The following LIMCH1 variants were observed in gnomAD, a reference collection of about 807,000 sequenced individuals.
LIMCH1 encodes the protein LIM and calponin homology domains-containing protein 1.
A neutral mutation model predicts 176.5 loss-of-function variants in LIMCH1; 113 were observed. That is an observed-to-expected ratio of 0.64 (90% CI 0.55 to 0.75). LIMCH1 has a LOEUF of 0.75. Among genes scored for constraint, LIMCH1 ranks in the 30% least tolerant of loss-of-function variants. LIMCH1 has a pLI of 0.00. For synonymous variants in LIMCH1, 619 were observed against 645.9 expected (o/e 0.96, Z 0.63); for missense variants, 1,674 against 1,814.9 (o/e 0.92, Z 1.41).
chr4:41,381,133 A>AGAACTTAACC (rs1163814850), intron 1 of LIMCH1, among the ~76,000 whole-genome samples: 3 of 152,236 alleles, frequency 2.0e-5, no homozygotes, highest in Non-Finnish European at 4.4e-5. Flanking sequence ...TGCCCAAGGA[A>AGAACTTAACC]GAACTTAACC....
At chr4:41,627,917 A>T (rs1202003190) in intron 8 of LIMCH1, among the ~76,000 whole-genome samples, 7 of 152,210 alleles carry the variant, frequency 4.6e-5, no homozygotes, top group African/African-American at 1.7e-4. Context: ...TGTGCTTTAG[A>T]CAATTAAAAT....
chr4:41,379,013 T>C (rs991672843), intron 1 of LIMCH1, among the ~76,000 whole-genome samples: 1 of 152,208 alleles, frequency 6.6e-6, no homozygotes, highest in Non-Finnish European at 1.5e-5. Context: ...AAGAAAACTG[T>C]TAAAAGTTTT....
intron 20 of LIMCH1, among the ~76,000 whole-genome samples, chr4:41,666,077 T>C (rs991351816): frequency 3.9e-5 from 6 of 152,212 alleles, no homozygotes; most frequent in African/African-American, 1.4e-4. Flanking sequence ...GTGCTTTGCA[T>C]AAATTTGTGG....
intron 1 of LIMCH1, among the ~76,000 whole-genome samples, chr4:41,543,229 T>G (rs1056932125): frequency 2.6e-5 from 4 of 152,172 alleles, no homozygotes; most frequent in Non-Finnish European, 5.9e-5. Flanking sequence ...CTAACTCAGC[T>G]GAAGGTATTT....
intron 1 of LIMCH1, among the ~76,000 whole-genome samples, chr4:41,391,434 T>C (rs1332007830): frequency 6.6e-6 from 1 of 152,182 alleles, no homozygotes; most frequent in Admixed American, 6.5e-5. Flanking sequence ...AGAACAAACA[T>C]TGTGTGTAGT....
chr4:41,486,110 T>A (rs28502840), intron 1 of LIMCH1, among the ~76,000 whole-genome samples: 30,541 of 152,064 alleles, frequency 0.2, 3,296 homozygotes, highest in South Asian at 0.32. Context: ...AGAGCAGGAT[T>A]TGGGGGACTG....
At position 41,689,638 on chromosome 4, in the gene LIMCH1, A is replaced by C; in HGVS notation, c.4275+3A>C. 1 of 1,550,678 alleles carries C rather than the reference A, an allele frequency of 6.4e-7. No individual in the cohort carries two copies. Among genetic ancestry groups the C allele is most frequent in the Non-Finnish European group, 8.9e-7 (1 of 1,122,122 alleles). On this transcript the variant is annotated splice_donor_region_variant and intron_variant, in intron 30 of 31. Transcript: ENST00000503057. Reference sequence around the variant, plus strand: ...ATTTTCACATCCAGTGTTTCAGGGTACGTACTTACTGCTTTGCTCTCCAGA... The same window carrying C: ...ATTTTCACATCCAGTGTTTCAGGGTCCGTACTTACTGCTTTGCTCTCCAGA...
rs557654909 is a variant in LIMCH1 at position 41,583,010 on chromosome 4, C to T, written c.-240-15910C>T. On this transcript the variant is annotated intron_variant, in intron 1 of 31. Transcript: ENST00000503057. ...AGTGGACAGTTCAATGGTGTTAATACGTTTGCATTGCTGTGCAAGCATCAC... is the reference window on the plus strand; with the variant it reads ...AGTGGACAGTTCAATGGTGTTAATATGTTTGCATTGCTGTGCAAGCATCAC... Among the ~76,000 whole-genome samples the T allele has an allele frequency of 3.3e-5, 5 of 152,272 alleles. No homozygotes were observed. The South Asian group carries it at 8.3e-4, about 25-fold the overall frequency.
At chr4:41,568,394 G>A (rs535087156) in intron 1 of LIMCH1, among the ~76,000 whole-genome samples, 6 of 152,294 alleles carry the variant, frequency 3.9e-5, no homozygotes, top group South Asian at 2.1e-4. Context: ...CTGATGCACC[G>A]GAGTTACAAC....
chr4:41,377,774 A>G (rs1406815202), intron 1 of LIMCH1, among the ~76,000 whole-genome samples: 1 of 152,212 alleles, frequency 6.6e-6, no homozygotes, highest in Non-Finnish European at 1.5e-5. Context: ...GGGGCATCAC[A>G]TGGCAAGAAG....
chr4:41,502,154 A>T (rs867187585), intron 2 of LIMCH1, among the ~76,000 whole-genome samples: 1 of 148,118 alleles, frequency 6.8e-6, no homozygotes, highest in Non-Finnish European at 1.5e-5. Flanking sequence ...AAGTGAGAAG[A>T]TGTGGTGTTT....
chr4:41,518,558 C>T (rs2152391941), intron 2 of LIMCH1, among the ~76,000 whole-genome samples: 1 of 152,266 alleles, frequency 6.6e-6, no homozygotes, highest in East Asian at 1.9e-4. Context: ...GGTGTCTCAA[C>T]AATTGTTTCT....
At chr4:41,435,456 T>C (rs1389982592) in intron 1 of LIMCH1, among the ~76,000 whole-genome samples, 1 of 152,158 alleles carries the variant, frequency 6.6e-6, no homozygotes, top group East Asian at 1.9e-4. Flanking sequence ...TAAGAGTCAA[T>C]TTGTATGGTT....
intron 1 of LIMCH1, among the ~76,000 whole-genome samples, chr4:41,582,433 G>T (rs1437084833): frequency 6.6e-6 from 1 of 152,130 alleles, no homozygotes; most frequent in African/African-American, 2.4e-5. Context: ...TGACATGCTT[G>T]GTTTGGGCAT....
intron 1 of LIMCH1, among the ~76,000 whole-genome samples, chr4:41,460,476 A>ATATC (rs2065214449): frequency 7.0e-6 from 1 of 142,664 alleles, no homozygotes; most frequent in Admixed American, 6.9e-5. Context: ...ATATATATAT[A>ATATC]TATCTTATAA....
rs756885226 is a variant in LIMCH1 at position 41,620,512 on chromosome 4, C to G, written c.547C>G (p.Pro183Ala). ...TGGCCAAATGAATCCTGGTTGGAAG[C>G]CTTCCGATGGTGGGTGTGAATTACC... The part of the protein sequence containing the change: ...PAGQMNPGWK[P>A]SDGGCELPDG... The change falls in exon 7 of 32, where the codon CCT becomes GCT. Residue 183 changes from proline (P) to alanine (A), a missense_variant. By Grantham distance (27) the Pro-to-Ala change is conservative. Coordinates refer to ENST00000503057, the MANE Select transcript of LIMCH1 (RefSeq NM_001330672.2). 4.6e-6 allele frequency: 7 copies of G among 1,536,274 alleles called. No homozygotes were observed. The South Asian group carries it at 4.8e-5, about 10-fold the overall frequency.
At chr4:41,446,083 A>G (rs2063257202) in intron 1 of LIMCH1, among the ~76,000 whole-genome samples, 1 of 152,170 alleles carries the variant, frequency 6.6e-6, no homozygotes, top group African/African-American at 2.4e-5. Flanking sequence ...TTCTTGTCAA[A>G]GGGTTTGAGG....
In LIMCH1 at chr4:41,644,600, A is replaced by T. The variant is rs753403483; in HGVS notation, c.2227A>T (p.Arg743Trp). Residue 743 changes from arginine to tryptophan, a missense_variant, in exon 15 of 32, where the codon AGG (arginine) becomes TGG (tryptophan). Coordinates refer to ENST00000503057, the MANE Select transcript of LIMCH1 (RefSeq NM_001330672.2). ...GCTGCAGCTGATAAATAACCAGCTGAGGGAAGAGGACGACAAATGGCAAGA... is the reference window on the plus strand; with the variant it reads ...GCTGCAGCTGATAAATAACCAGCTGTGGGAAGAGGACGACAAATGGCAAGA... ...EQLQLINNQL[R>W]EEDDKWQDDL... 3.7e-6 allele frequency: 6 copies of T among 1,612,474 alleles called. No homozygotes were observed. Among genetic ancestry groups the T allele is most frequent in the Non-Finnish European group, 5.1e-6 (6 of 1,179,328 alleles).
At chr4:41,431,426 G>A (rs2061598119) in intron 1 of LIMCH1, among the ~76,000 whole-genome samples, 1 of 152,188 alleles carries the variant, frequency 6.6e-6, no homozygotes, top group African/African-American at 2.4e-5. Context: ...GGCTTGTTGT[G>A]AGGGTTAAGT....
Sources: gnomAD v4.1 joint callset for allele counts (sites outside exome capture counted in the v4.1 genomes callset) on GRCh38, gnomAD v4.1.1 for gene constraint, MANE v1.5 for transcripts, NCBI Gene and HGNC (gene_info 2026-07-23, HGNC 2026-07-21) for gene names.